The following PARP8 variants were observed in gnomAD, a reference collection of about 807,000 sequenced individuals.
PARP8 encodes protein mono-ADP-ribosyltransferase PARP8.
PARP8 carries 51 observed loss-of-function variants against 124.1 expected under a neutral mutation model. The ratio of observed to expected loss-of-function variants is 0.41; its 90% CI spans 0.33 to 0.52. The LOEUF is 0.52. Among genes scored for constraint, PARP8 ranks in the 20% least tolerant of loss-of-function variants. PARP8 has a pLI of 0.21. For missense variants in PARP8, 860 were observed against 1,018.9 expected, an observed-to-expected ratio of 0.84 and a Z score of 2.12; for synonymous variants, 391 against 361.5, an observed-to-expected ratio of 1.08 and a Z score of -0.93.
chr5:50,679,673 C>T (rs1751056775), intron 2 of PARP8, among the ~76,000 whole-genome samples: 1 of 152,202 alleles, frequency 6.6e-6, no homozygotes, highest in Middle Eastern at 3.4e-3. Flanking sequence ...GTGGTGACTC[C>T]AATGCAGGTG....
intron 2 of PARP8, among the ~76,000 whole-genome samples, chr5:50,724,740 T>G (rs894303018): frequency 4.2e-4 from 63 of 148,490 alleles, no homozygotes; most frequent in Non-Finnish European, 2.1e-4. Context: ...GTACAAGTGG[T>G]TTTTTTTTGC....
intron 3 of PARP8, among the ~76,000 whole-genome samples, chr5:50,752,621 T>C (rs1482529281): frequency 6.6e-6 from 1 of 152,046 alleles, no homozygotes; most frequent in East Asian, 1.9e-4. Flanking sequence ...GTCTTCCAAA[T>C]AGTTTAGCCA....
intron 14 of PARP8, among the ~76,000 whole-genome samples, chr5:50,813,791 T>C (rs1483822091): frequency 6.6e-6 from 1 of 152,104 alleles, no homozygotes; most frequent in East Asian, 1.9e-4. Context: ...CAATGTCTAT[T>C]GTTATAGTCC....
At chr5:50,817,317 G>T (rs1745212680) in intron 15 of PARP8, among the ~76,000 whole-genome samples, 1 of 152,128 alleles carries the variant, frequency 6.6e-6, no homozygotes, top group African/African-American at 2.4e-5. Context: ...AATATCAAAA[G>T]ATCAGAAAGT....
At chr5:50,822,609 A>AGATAAAT (rs1745889276) in intron 17 of PARP8, among the ~76,000 whole-genome samples, 4 of 152,164 alleles carry the variant, frequency 2.6e-5, no homozygotes, top group African/African-American at 9.7e-5. Flanking sequence ...TTATACTCCT[A>AGATAAAT]ATACTCTGCC....
chr5:50,830,037 C>A, intron 22 of PARP8, 76 bp downstream of exon 22: 3 of 1,464,068 alleles, frequency 2.0e-6, no homozygotes, highest in Non-Finnish European at 2.7e-6. Flanking sequence ...CTATTCACAG[C>A]TTTCTATTGT....
In PARP8 at chr5:50,842,803, CA is replaced by C. The variant is rs1468941635; in HGVS notation, c.*736del. ...AAATCAAGATATGAGCCAGATTTAC[CA>C]CCATTCATTCACTGAAAATATTTGC... is the stretch of plus-strand genomic sequence containing the variant. On this transcript the variant is annotated 3_prime_UTR_variant, in exon 26 of 26. Coordinates refer to ENST00000281631, the MANE Select transcript of PARP8 (RefSeq NM_024615.4). The C allele has an allele frequency of 6.6e-6, 1 of 151,538 alleles. No individual in the cohort carries two copies. Among genetic ancestry groups the C allele is most frequent in the Non-Finnish European group, 1.5e-5 (1 of 67,722 alleles). The allele number at this position is 151,538 out of a possible 1,614,324, so 9.4% of individuals were successfully genotyped here.
At chr5:50,767,491 A>G (rs1174856764) in intron 7 of PARP8, among the ~76,000 whole-genome samples, 2 of 152,230 alleles carry the variant, frequency 1.3e-5, no homozygotes, top group East Asian at 3.8e-4. Context: ...TCAGGTGCTC[A>G]GATCCTAGAC....
chr5:50,747,677 A>C (rs2149546788), intron 2 of PARP8, among the ~76,000 whole-genome samples: 1 of 146,762 alleles, frequency 6.8e-6, no homozygotes, highest in East Asian at 2.0e-4. Context: ...TATTGTTTGC[A>C]TGGTGTATCT....
rs941699502 is a variant in PARP8, at chr5:50,842,693, T to C, written c.*625T>C. The C allele has an allele frequency of 2.0e-5, 3 of 151,762 alleles. No homozygotes were observed. Among genetic ancestry groups the C allele is most frequent in the African/African-American group, 7.2e-5 (3 of 41,412 alleles). 9.4% of individuals were successfully genotyped at this position (151,762 alleles called of 1,614,324 possible). A position where few individuals can be genotyped will look rare whatever the true frequency, so the allele number is the denominator to read the frequency against. ...TTTGTGTATATTCACACGTATGTTTTGACAAGAAAGATGGCTTAGCTTCAC... is the reference window on the plus strand; with the variant it reads ...TTTGTGTATATTCACACGTATGTTTCGACAAGAAAGATGGCTTAGCTTCAC... On this transcript the variant is annotated 3_prime_UTR_variant, in exon 26 of 26. Coordinates refer to ENST00000281631, the MANE Select transcript of PARP8 (RefSeq NM_024615.4).
At chr5:50,799,137 T>G (rs1313925598) in intron 14 of PARP8, among the ~76,000 whole-genome samples, 1 of 152,228 alleles carries the variant, frequency 6.6e-6, no homozygotes, top group Admixed American at 6.5e-5. Flanking sequence ...GTCTAAAAAG[T>G]AATTGCCTAA....
intron 7 of PARP8, among the ~76,000 whole-genome samples, chr5:50,763,973 A>G (rs1489987727): frequency 6.6e-6 from 1 of 152,092 alleles, no homozygotes; most frequent in African/African-American, 2.4e-5. Flanking sequence ...CAGATATGTC[A>G]TATTCCCGCT....
intron 1 of PARP8, chr5:50,667,758 A>G: frequency 1.4e-6 from 1 of 733,400 alleles, no homozygotes; most frequent in South Asian, 1.5e-5. Context: ...CCTTTCGTCC[A>G]TTTTGCTCCC....
At chr5:50,785,848 C>T (rs1294208695) in intron 9 of PARP8, among the ~76,000 whole-genome samples, 1 of 152,138 alleles carries the variant, frequency 6.6e-6, no homozygotes, top group Admixed American at 6.5e-5. Context: ...AATCTTTGCT[C>T]TAATTATCTG....
chr5:50,821,419 T>A (rs1171377829), intron 16 of PARP8, 81 bp downstream of exon 16: 5 of 1,446,604 alleles, frequency 3.5e-6, no homozygotes, highest in Non-Finnish European at 4.8e-6. Flanking sequence ...CTCATTAGGT[T>A]TCCTCTTTCT....
chr5:50,706,984 C>A (rs1237163968), intron 2 of PARP8, among the ~76,000 whole-genome samples: 1 of 151,990 alleles, frequency 6.6e-6, no homozygotes, highest in Non-Finnish European at 1.5e-5. Context: ...GAAATCATTA[C>A]TCAAGAGTTT....
At chr5:50,834,768 T>C in intron 24 of PARP8, 163 bp from the exon 25 acceptor site, 1 of 672,122 alleles carries the variant, frequency 1.5e-6, no homozygotes, top group Non-Finnish European at 2.7e-6. Context: ...TCACTGTTTT[T>C]ATCTATATTT....
chr5:50,772,851 C>T (rs2149598077), intron 7 of PARP8, among the ~76,000 whole-genome samples: 1 of 152,188 alleles, frequency 6.6e-6, no homozygotes, highest in South Asian at 2.1e-4. Flanking sequence ...CGTGTGCCAC[C>T]ACACCTGGCT....
At position 50,785,382 on chromosome 5, in the gene PARP8, C is replaced by T. The variant is rs148553331; in HGVS notation, c.671-3141C>T. 3.6e-3 allele frequency among the ~76,000 whole-genome samples: 542 copies of T among 152,108 alleles called. 3 individuals carry two copies. Among genetic ancestry groups the T allele is most frequent in the Middle Eastern group, 0.01 (3 of 294 alleles). ...TCTCTCTTTCTACATATGTATCATA[C>T]GCAGTTTTCTCCGGTAAAGGCATTA... On this transcript the variant is annotated intron_variant, in intron 9 of 25. Coordinates refer to ENST00000281631, the MANE Select transcript of PARP8 (RefSeq NM_024615.4).
Sources: gnomAD v4.1 joint callset for allele counts (sites outside exome capture counted in the v4.1 genomes callset) on GRCh38, gnomAD v4.1.1 for gene constraint, MANE v1.5 for transcripts, NCBI Gene and HGNC (gene_info 2026-07-23, HGNC 2026-07-21) for gene names.